The following PRAM1 variants were observed in gnomAD, a reference collection of about 807,000 sequenced individuals.
PRAM1 encodes PML-RARA-regulated adapter molecule 1.
Under a neutral mutation model 55.3 loss-of-function variants are expected in PRAM1, and 41 were observed. That is an observed-to-expected ratio of 0.74 (90% CI 0.58 to 0.96). PRAM1 has a LOEUF of 0.96. PRAM1 is among the 40% of genes least tolerant of loss of function. PRAM1 has a pLI of 0.00. For missense variants in PRAM1, 898 were observed against 892.7 expected (o/e 1.01, Z -0.08); for synonymous variants, 401 against 387.1 (o/e 1.04, Z -0.42).
chr19:8,502,454 G>GCCCCCCCC, intron 1 of PRAM1, 111 bp downstream of exon 1: 2 of 590,952 alleles, frequency 3.4e-6, no homozygotes, highest in South Asian at 1.7e-5. Flanking sequence ...GTCTTTCGCA[G>GCCCCCCCC]CCACCCCCCG....
In PRAM1 at chr19:8,493,600, C is replaced by G. The variant is rs1461924183; in HGVS notation, c.1577-2443G>C. ...ATCCCTGGGAAAGGCTGGGCTCTCC[C>G]CACCTGCAGAGGAGCCCCCTGCCTT... is the stretch of plus-strand genomic sequence containing the variant. On this transcript the variant is annotated intron_variant, in intron 4 of 9. Transcript: ENST00000423345. The surrounding 1 kb of genome is among the most constrained non-coding windows in gnomAD (Gnocchi z 4.1). 6.6e-6 allele frequency among the ~76,000 whole-genome samples: 1 copy of G among 150,940 alleles called. No homozygotes were observed. Among genetic ancestry groups the G allele is most frequent in the Non-Finnish European group, 1.5e-5 (1 of 68,030 alleles).
At chr19:8,501,997 G>A (rs1449036657) in intron 1 of PRAM1, among the ~76,000 whole-genome samples, 1 of 152,154 alleles carries the variant, frequency 6.6e-6, no homozygotes, top group African/African-American at 2.4e-5. Context: ...GGGCAGAAAC[G>A]TGTGGCCTTT....
chr19:8,490,416 T>C lies in PRAM1; in HGVS notation c.1941-44A>G. 1 of 1,613,312 alleles carries C rather than the reference T, an allele frequency of 6.2e-7. No individual in the cohort carries two copies. ...GTCAGCAAGGGGCACCGTGGCCCAT[T>C]CCCCCCACCCTGCACCACACACCCC... On this transcript the variant is annotated intron_variant, in intron 8 of 9. Transcript: ENST00000423345. This position sits in a 1 kb window ranked among gnomAD's most constrained non-coding sequence, Gnocchi z 7.3.
chr19:8,492,235 G>GTTTT (rs35488462), intron 4 of PRAM1, among the ~76,000 whole-genome samples: 2 of 142,832 alleles, frequency 1.4e-5, no homozygotes, highest in African/African-American at 5.2e-5. Flanking sequence ...GTGCCTAGCC[G>GTTTT]TTTTTTTTTT....
rs373507378 is a variant in PRAM1 at position 8,490,463 on chromosome 19, G to A, written c.1940+13C>T. 4.7e-4 allele frequency: 755 copies of A among 1,612,994 alleles called. 2 individuals are homozygous for A. The highest frequency in any genetic ancestry group is 6.2e-4 in the Non-Finnish European group (726 of 1,179,634). On this transcript the variant is annotated intron_variant, in intron 8 of 9. Coordinates refer to ENST00000423345, the MANE Select transcript of PRAM1 (RefSeq NM_032152.5). The surrounding 1 kb of genome is among the most constrained non-coding windows in gnomAD (Gnocchi z 7.3). ...CCCCGCACTCCCCCACCACGGTCAG[G>A]GCTGGCACTCACAGGGGCAGGAGCG...
chr19:8,502,464 G>GCCCC, intron 1 of PRAM1, 101 bp downstream of exon 1: 2 of 216,460 alleles, frequency 9.2e-6, no homozygotes, highest in Non-Finnish European at 1.7e-5. Context: ...GCCACCCCCC[G>GCCCC]CCCCCCCGCC....
intron 5 of PRAM1, 49 bp downstream of exon 5, chr19:8,491,051 G>C: frequency 6.2e-7 from 1 of 1,611,856 alleles, no homozygotes; most frequent in Non-Finnish European, 8.5e-7. Flanking sequence ...CTCCTCTGGG[G>C]GTTCCTGGAG....
chr19:8,492,522 G>T (rs1003676371), intron 4 of PRAM1, among the ~76,000 whole-genome samples: 1 of 152,090 alleles, frequency 6.6e-6, no homozygotes, highest in Non-Finnish European at 1.5e-5. Context: ...CTCCCAAAGT[G>T]CTGGGATTAC....
chr19:8,499,180 T>C lies in PRAM1; in HGVS notation c.628A>G (p.Ser210Gly), dbSNP rs1330256212. The C allele has an allele frequency of 2.0e-5, 33 of 1,612,724 alleles. No homozygotes were observed. Among genetic ancestry groups the C allele is most frequent in the Non-Finnish European group, 2.6e-5 (31 of 1,179,560 alleles). ...TGCGCAGGCTTCTTGGGAAAGGTAC[T>C]CAACTCAGGCTGCGGGGACCTCGGG... is the stretch of plus-strand genomic sequence containing the variant. ...ATPRSPQPEL[S>G]TFPKKPAQPE... Residue 210 changes from serine to glycine, a missense_variant, in exon 2 of 10, where the codon AGT becomes GGT. Ser to Gly is a moderately conservative substitution (Grantham distance 56). This residue lies in a region of PRAM1 where 787 missense variants were observed against 735.4 expected (regional missense o/e 1.07). Coordinates refer to ENST00000423345, the MANE Select transcript of PRAM1 (RefSeq NM_032152.5).
rs374711610 is a variant in PRAM1, at chr19:8,498,203, C to T, written c.1499+20G>A. ...GAGCCCCACAATCCGCACCCACCTC[C>T]GCTTCCTCCCCACACTCACTGCGGG... On this transcript the variant is annotated intron_variant, in intron 3 of 9. Transcript: ENST00000423345. 44 of 1,608,462 alleles carry T rather than the reference C, an allele frequency of 2.7e-5. No individual in the cohort carries two copies. Among genetic ancestry groups the T allele is most frequent in the East Asian group, 4.5e-5 (2 of 44,806 alleles).
intron 3 of PRAM1, 141 bp downstream of exon 3, chr19:8,498,082 G>A (rs1290011523): frequency 2.2e-6 from 2 of 916,378 alleles, no homozygotes; most frequent in Admixed American, 2.4e-5. Flanking sequence ...GTTTCACCAC[G>A]TTGGCCAGGC....
chr19:8,499,745 C>T lies in PRAM1; in HGVS notation c.63G>A (p.Lys21=). The T allele has an allele frequency of 6.2e-7, 1 of 1,612,456 alleles. No homozygotes were observed. Among genetic ancestry groups the T allele is most frequent in the South Asian group, 1.1e-5 (1 of 90,970 alleles). Residue 21 remains lysine, a synonymous_variant, in exon 2 of 10, where the codon AAG becomes AAA. Coordinates refer to ENST00000423345, the MANE Select transcript of PRAM1 (RefSeq NM_032152.5). ...SHQDFRSIKA[K]FQASQPEPSD... ...TGGGCTCCGGCTGAGAGGCCTGGAACTTTGCTTTGATGCTCCGGAAGTCCT... is the reference window on the plus strand; with the variant it reads ...TGGGCTCCGGCTGAGAGGCCTGGAATTTTGCTTTGATGCTCCGGAAGTCCT...
At chr19:8,499,978 G>T (rs888718615) in intron 1 of PRAM1, among the ~76,000 whole-genome samples, 198 bp from the exon 2 acceptor site, 1 of 151,556 alleles carries the variant, frequency 6.6e-6, no homozygotes, top group Non-Finnish European at 1.5e-5. Flanking sequence ...TCCATTTAGT[G>T]CTGATTCCAC....
Position 8,490,456 on chromosome 19 carries a change from C to A in PRAM1, c.1940+20G>T. On this transcript the variant is annotated intron_variant, in intron 8 of 9. Transcript: ENST00000423345. This position sits in a 1 kb window ranked among gnomAD's most constrained non-coding sequence, Gnocchi z 7.3. ...CCACACACCCCGCACTCCCCCACCACGGTCAGGGCTGGCACTCACAGGGGC... is the reference window on the plus strand; with the variant it reads ...CCACACACCCCGCACTCCCCCACCAAGGTCAGGGCTGGCACTCACAGGGGC... The A allele has an allele frequency of 6.2e-7, 1 of 1,613,158 alleles. No individual in the cohort carries two copies. Among genetic ancestry groups the A allele is most frequent in the Non-Finnish European group, 8.5e-7 (1 of 1,179,608 alleles).
rs1039847318 is a variant in PRAM1 at position 8,499,185 on chromosome 19, T to C, written c.623A>G (p.Glu208Gly). 18 of 1,613,662 alleles carry C rather than the reference T, an allele frequency of 1.1e-5. No homozygotes were observed. The highest frequency in any genetic ancestry group is 1.3e-5 in the Non-Finnish European group (15 of 1,179,816). The stretch of plus-strand genomic sequence containing the variant: ...AGGCTTCTTGGGAAAGGTACTCAAC[T>C]CAGGCTGCGGGGACCTCGGGGTAGC... ...GEATPRSPQP[E>G]LSTFPKKPAQ... The change falls in exon 2 of 10, where the codon GAG becomes GGG. Residue 208 changes from glutamate (E) to glycine (G), a missense_variant. By Grantham distance (98) the Glu-to-Gly change is moderately conservative (BLOSUM62 -2). Coordinates refer to ENST00000423345, the MANE Select transcript of PRAM1 (RefSeq NM_032152.5).
intron 1 of PRAM1, among the ~76,000 whole-genome samples, chr19:8,502,021 G>A (rs1418964970): frequency 6.6e-6 from 1 of 152,194 alleles, no homozygotes; most frequent in African/African-American, 2.4e-5. Flanking sequence ...TCCTGCGTGT[G>A]CCTCACTTTC....
chr19:8,497,329 T>TCA (rs1464548231), intron 4 of PRAM1, among the ~76,000 whole-genome samples: 2 of 152,068 alleles, frequency 1.3e-5, no homozygotes, highest in Non-Finnish European at 2.9e-5. Context: ...CAGATGCTTG[T>TCA]CACACCTGGC....
chr19:8,491,253 A>C (rs1427841667), intron 4 of PRAM1, 96 bp from the exon 5 acceptor site: 14 of 1,316,282 alleles, frequency 1.1e-5, no homozygotes, highest in Non-Finnish European at 1.3e-5. Flanking sequence ...TTTTGTTTTG[A>C]GACGAAGTCT....
intron 4 of PRAM1, among the ~76,000 whole-genome samples, chr19:8,497,559 C>A (rs551890193): frequency 6.6e-6 from 1 of 152,252 alleles, no homozygotes; most frequent in African/African-American, 2.4e-5. Context: ...CCCACTGCTC[C>A]CACATCTCCT....
Sources: allele counts gnomAD v4.1 joint callset (sites outside exome capture counted in the v4.1 genomes callset), GRCh38; gene constraint gnomAD v4.1.1; regional missense constraint gnomAD v4.1.1; non-coding constraint Gnocchi (gnomAD v3.1); transcripts MANE v1.5; gene names NCBI Gene and HGNC (gene_info 2026-07-23, HGNC 2026-07-21).